The following IGSF5 variants were observed in gnomAD, a reference collection of about 807,000 sequenced individuals.
IGSF5 encodes immunoglobulin superfamily 5 like.
Under a neutral mutation model 39.4 loss-of-function variants are expected in IGSF5, and 41 were observed. The ratio of observed to expected loss-of-function variants is 1.04; its 90% CI spans 0.81 to 1.35. The LOEUF (loss-of-function observed/expected upper bound fraction) is 1.35. Among genes scored for constraint, IGSF5 ranks in the 40% most tolerant of loss-of-function variants. IGSF5 has a pLI of 0.00. For synonymous variants in IGSF5, 183 were observed against 175.3 expected, an observed-to-expected ratio of 1.04 and a Z score of -0.34; for missense variants, 487 against 494.6, an observed-to-expected ratio of 0.98 and a Z score of 0.15.
At chr21:39,734,538 A>G in the IGSF5 span, among the ~76,000 whole-genome samples, 3 of 151,258 alleles carry the variant, frequency 2.0e-5, no homozygotes, top group Non-Finnish European at 4.4e-5. Context: ...TCTGCGCTTC[A>G]CCTATTTATC....
At chr21:39,715,884 GGT>G in the IGSF5 span, among the ~76,000 whole-genome samples, 6 of 152,284 alleles carry the variant, frequency 3.9e-5, no homozygotes, top group African/African-American at 9.6e-5. Context: ...ATGAAATGTG[GGT>G]GTGTGTGGGG....
chr21:39,765,568 C>A lies in IGSF5; in HGVS notation c.134C>A (p.Pro45His), dbSNP rs759511517. 5 of 1,613,920 alleles carry A rather than the reference C, an allele frequency of 3.1e-6. No homozygotes were observed. The East Asian group carries it at 1.1e-4, about 36-fold the overall frequency. Reference protein sequence around the residue: ...SGSGNEVIEGPQNARVLKGSQ... With the variant: ...SGSGNEVIEGHQNARVLKGSQ... Reference sequence around the variant, plus strand: ...TCTGGTAATGAAGTCATAGAAGGCCCCCAAAATGCAAGAGTCCTGAAGGGC... The same window carrying A: ...TCTGGTAATGAAGTCATAGAAGGCCACCAAAATGCAAGAGTCCTGAAGGGC... Residue 45 changes from proline (P) to histidine (H), a missense_variant, in exon 3 of 9, where the codon CCC becomes CAC. Transcript: ENST00000380588.
At chr21:39,713,731 G>C in the IGSF5 span, among the ~76,000 whole-genome samples, 12 of 152,298 alleles carry the variant, frequency 7.9e-5, no homozygotes, top group Admixed American at 1.3e-4. Flanking sequence ...TGGGCCTTGT[G>C]CTTCCTTCTT....
chr21:39,758,135 G>T (rs117668587), intron 2 of IGSF5, among the ~76,000 whole-genome samples: 1 of 152,124 alleles, frequency 6.6e-6, no homozygotes, highest in Non-Finnish European at 1.5e-5. Context: ...CGTAGGGATC[G>T]CCTGAGCTTG....
chr21:39,714,460 T>C, the IGSF5 span, among the ~76,000 whole-genome samples: 1 of 152,234 alleles, frequency 6.6e-6, no homozygotes, highest in Non-Finnish European at 1.5e-5. Flanking sequence ...AATCTATACA[T>C]GGTGTATTTG....
the IGSF5 span, among the ~76,000 whole-genome samples, chr21:39,717,452 T>C: frequency 1.3e-5 from 2 of 152,216 alleles, no homozygotes; most frequent in Non-Finnish European, 1.5e-5. Flanking sequence ...TAGGTTGTCT[T>C]CCAAGGTTCT....
In IGSF5 at chr21:39,801,491, G is replaced by A. The variant is rs1311960290; in HGVS notation, c.*134G>A. The A allele has an allele frequency of 8.8e-6, 5 of 569,202 alleles. No individual in the cohort carries two copies. Among genetic ancestry groups the A allele is most frequent in the Non-Finnish European group, 1.5e-5 (5 of 323,096 alleles). 35.3% of individuals were successfully genotyped at this position (569,202 alleles called of 1,614,324 possible). A position where few individuals can be genotyped will look rare whatever the true frequency, so the allele number is the denominator to read the frequency against. ...TGAAGAGGAGATGTCGGAGTCATCA[G>A]AACTGATACTTGACAGTGAGAGAAG... On this transcript the variant is annotated 3_prime_UTR_variant, in exon 9 of 9. Transcript: ENST00000380588.
chr21:39,755,963 C>T (rs551027933), intron 2 of IGSF5, among the ~76,000 whole-genome samples: 658 of 59,716 alleles, frequency 0.011, 8 homozygotes, highest in African/African-American at 0.035. Flanking sequence ...AAAAATTAGC[C>T]AGGCGTACTT....
Position 39,765,759 on chromosome 21 carries a change from A to G in IGSF5, c.325A>G (p.Ile109Val). The G allele has an allele frequency of 6.2e-7, 1 of 1,614,086 alleles. No homozygotes were observed. The highest frequency in any genetic ancestry group is 8.5e-7 in the Non-Finnish European group (1 of 1,180,008). Residue 109 changes from isoleucine (I) to valine (V), a missense_variant, in exon 3 of 9, where the codon ATC (isoleucine) becomes GTC (valine). By Grantham distance (29) the Ile-to-Val change is conservative. Transcript: ENST00000380588. ...GGGCGGGAACTTCACCTCGGAGATG[A>G]TCATCCACAATGTGGAGCCCAGTGA... ...DQGGNFTSEM[I>V]IHNVEPSDSG...
chr21:39,736,555 T>A, the IGSF5 span, among the ~76,000 whole-genome samples: 1 of 151,958 alleles, frequency 6.6e-6, no homozygotes, highest in Non-Finnish European at 1.5e-5. Context: ...ACTTAAAGTA[T>A]AATTTAAAAA....
At chr21:39,793,824 G>T (rs932102613) in intron 8 of IGSF5, among the ~76,000 whole-genome samples, 1 of 152,186 alleles carries the variant, frequency 6.6e-6, no homozygotes, top group East Asian at 1.9e-4. Flanking sequence ...CTAAGATCAA[G>T]GCTGGTTCTG....
chr21:39,766,541 T>C (rs1332984134), intron 3 of IGSF5, among the ~76,000 whole-genome samples: 1 of 152,158 alleles, frequency 6.6e-6, no homozygotes, highest in African/African-American at 2.4e-5. Flanking sequence ...GGGATAGTCA[T>C]TATAGTCAAA....
At chr21:39,725,757 G>C in the IGSF5 span, 1 of 152,146 alleles carries the variant, frequency 6.6e-6, no homozygotes, top group Non-Finnish European at 1.5e-5. Context: ...AGCACATCAT[G>C]CTCATAATTA....
At chr21:39,748,563 C>T (rs1602362780) in intron 2 of IGSF5, among the ~76,000 whole-genome samples, 2 of 152,022 alleles carry the variant, frequency 1.3e-5, no homozygotes, top group South Asian at 4.2e-4. Flanking sequence ...CCCACTTTGG[C>T]CTCTCAAGAG....
Position 39,773,271 on chromosome 21 carries a change from C to T in IGSF5, c.718+2056C>T, listed in dbSNP as rs578111267. On this transcript the variant is annotated intron_variant, in intron 4 of 8. Transcript: ENST00000380588. Reference sequence around the variant, plus strand: ...ACATTAGTTTGCTAAGGATAATGACCTCCAGCTCCATCCACGTCCTTGCAA... The same window carrying T: ...ACATTAGTTTGCTAAGGATAATGACTTCCAGCTCCATCCACGTCCTTGCAA... Among the ~76,000 whole-genome samples, 11 of 152,262 alleles carry T rather than the reference C, an allele frequency of 7.2e-5. No homozygotes were observed. The East Asian group carries it at 1.7e-3, about 24-fold the overall frequency.
the IGSF5 span, among the ~76,000 whole-genome samples, chr21:39,736,178 C>T: frequency 1.3e-5 from 2 of 152,136 alleles, no homozygotes; most frequent in African/African-American, 4.8e-5. Flanking sequence ...CCTCCCCACG[C>T]CCCCTCATCC....
intron 5 of IGSF5, among the ~76,000 whole-genome samples, chr21:39,785,621 G>A (rs1047385500): frequency 1.4e-4 from 21 of 152,018 alleles, no homozygotes; most frequent in African/African-American, 4.8e-4. Flanking sequence ...GATGGGGATG[G>A]CATTGAATCT....
upstream of IGSF5, among the ~76,000 whole-genome samples, chr21:39,741,751 C>T (rs924253208): frequency 2.6e-5 from 4 of 152,094 alleles, no homozygotes; most frequent in Non-Finnish European, 5.9e-5. Flanking sequence ...TCAGGATGTA[C>T]AGGGATGCAG....
At chr21:39,785,785 C>A (rs982039522) in intron 5 of IGSF5, among the ~76,000 whole-genome samples, 1 of 151,806 alleles carries the variant, frequency 6.6e-6, no homozygotes, top group Non-Finnish European at 1.5e-5. Flanking sequence ...CCCTTGTAAG[C>A]TGGATTCCTA....
Sources: allele counts gnomAD v4.1 joint callset (sites outside exome capture counted in the v4.1 genomes callset), GRCh38; gene constraint gnomAD v4.1.1; transcripts MANE v1.5; gene names NCBI Gene and HGNC (gene_info 2026-07-23, HGNC 2026-07-21).